The following IFI27 variants were observed in gnomAD, a reference collection of about 807,000 sequenced individuals.
IFI27 encodes interferon alpha inducible protein 27, also known as interferon alpha-inducible protein 27, mitochondrial.
In IFI27, 3 loss-of-function variants were observed where a neutral mutation model predicts 8.9. The ratio of observed to expected loss-of-function variants is 0.34; its 90% CI spans 0.15 to 0.87. The LOEUF (loss-of-function observed/expected upper bound fraction) is 0.87, where lower values mean the gene tolerates loss of function less well. Among genes scored for constraint, IFI27 ranks in the 40% least tolerant of loss-of-function variants. IFI27 has a pLI of 0.51. For missense variants in IFI27, 152 were observed against 157.7 expected (o/e 0.96, Z 0.19); for synonymous variants, 66 against 67.3 (o/e 0.98, Z 0.09).
upstream of IFI27, among the ~76,000 whole-genome samples, chr14:94,106,585 G>A (rs1237731777): frequency 6.6e-6 from 1 of 152,112 alleles, no homozygotes; most frequent in African/African-American, 2.4e-5. Flanking sequence ...ATCTTTTCGT[G>A]TGCTTTTTGG....
At position 94,116,298 on chromosome 14, in the gene IFI27, C is replaced by T. The variant is rs1256082521; in HGVS notation, c.284-144C>T. On this transcript the variant is annotated intron_variant, in intron 4 of 4. Coordinates refer to ENST00000621160, the Ensembl canonical transcript of IFI27. This position sits in a 1 kb window ranked among gnomAD's most constrained non-coding sequence, Gnocchi z 4.3. Reference sequence around the variant, plus strand: ...TCCCCAAACAAAGACCCCGAGGGTACTGGGAAACAGAGAGGGGAACTGGGT... The same window carrying T: ...TCCCCAAACAAAGACCCCGAGGGTATTGGGAAACAGAGAGGGGAACTGGGT... 11 of 670,084 alleles carry T rather than the reference C, an allele frequency of 1.6e-5. No individual in the cohort carries two copies. The highest frequency in any genetic ancestry group is 2.7e-5 in the Non-Finnish European group (10 of 374,500). 41.5% of individuals were successfully genotyped at this position (670,084 alleles called of 1,614,324 possible).
rs75568762 is a variant in IFI27 at position 94,116,650 on chromosome 14, A to G, written c.*123A>G. 0.011 allele frequency: 7,408 copies of G among 689,644 alleles called. 407 individuals carry two copies. The African/African-American group carries it at 0.12, about 11-fold the overall frequency. The allele number at this position is 689,644 out of a possible 1,614,324, so 42.7% of individuals were successfully genotyped here. On this transcript the variant is annotated 3_prime_UTR_variant, in exon 5 of 5. Coordinates refer to ENST00000621160, the Ensembl canonical transcript of IFI27. The surrounding 1 kb of genome is among the most constrained non-coding windows in gnomAD (Gnocchi z 4.3). ...TGGGGTGAAATATACCAAATTCTGC[A>G]TCTCCAGAGGAAAATAAGAAATAAA...
At chr14:94,114,958 T>A in intron 3 of IFI27, 78 bp downstream of exon 3, 1 of 1,344,548 alleles carries the variant, frequency 7.4e-7, no homozygotes, top group East Asian at 2.3e-5. Context: ...GCCTTGTCCA[T>A]GCCAATGTTT....
upstream of IFI27, among the ~76,000 whole-genome samples, chr14:94,107,152 C>T (rs1234677308): frequency 1.3e-5 from 2 of 152,116 alleles, no homozygotes; most frequent in Non-Finnish European, 2.9e-5. Context: ...TCACTTCAAC[C>T]TCTGCCTCCC....
chr14:94,115,605 T>C (rs535329761), intron 3 of IFI27, 176 bp from the exon 4 acceptor site: 98 of 660,538 alleles, frequency 1.5e-4, no homozygotes, highest in Non-Finnish European at 2.1e-4. Context: ...TTCCCTCTAC[T>C]TTCCCCGCCT....
At chr14:94,115,885 A>G (rs1253644684) in exon 4 of IFI27, 2 of 1,599,244 alleles carry the variant, frequency 1.3e-6, no homozygotes, top group Non-Finnish European at 1.7e-6. Flanking sequence ...CGCGGCGGCC[A>G]TTGCCAATGG....
chr14:94,107,506 T>G (rs1887031795), upstream of IFI27, among the ~76,000 whole-genome samples: 1 of 152,226 alleles, frequency 6.6e-6, no homozygotes, highest in African/African-American at 2.4e-5. Flanking sequence ...TCTAGGAGTT[T>G]CATAGTTTTG....
At position 94,116,289 on chromosome 14, in the gene IFI27, C is replaced by T. The variant is rs1887408070; in HGVS notation, c.284-153C>T. On this transcript the variant is annotated intron_variant, in intron 4 of 4. Transcript: ENST00000621160. The surrounding 1 kb of genome is among the most constrained non-coding windows in gnomAD (Gnocchi z 4.3). ...AGCAGCCTCTCCCCAAACAAAGACC[C>T]CGAGGGTACTGGGAAACAGAGAGGG... The T allele has an allele frequency of 6.1e-6, 4 of 659,458 alleles. No homozygotes were observed. In the Admixed American group the frequency reaches 6.9e-5, roughly 11 times the overall value. 40.9% of individuals were successfully genotyped at this position (659,458 alleles called of 1,614,324 possible).
Position 94,111,669 on chromosome 14 carries a change from T to C in IFI27, c.-14T>C. The C allele has an allele frequency of 6.2e-7, 1 of 1,612,124 alleles. No homozygotes were observed. Among genetic ancestry groups the C allele is most frequent in the Non-Finnish European group, 8.5e-7 (1 of 1,178,118 alleles). On this transcript the variant is annotated 5_prime_UTR_variant, in exon 2 of 5. Transcript: ENST00000621160. The surrounding 1 kb of genome is among the most constrained non-coding windows in gnomAD (Gnocchi z 4.3). Reference sequence around the variant, plus strand: ...TCTCTTACTCTCTAGGCCACGGAATTAACCCGAGCAGGCATGGAGGCCTCT... The same window carrying C: ...TCTCTTACTCTCTAGGCCACGGAATCAACCCGAGCAGGCATGGAGGCCTCT...
rs1887182945 is a variant in IFI27, at chr14:94,111,529, C to G, written c.-58-96C>G. 2 of 658,992 alleles carry G rather than the reference C, an allele frequency of 3.0e-6. No individual in the cohort carries two copies. The highest frequency in any genetic ancestry group is 5.5e-6 in the Non-Finnish European group (2 of 360,778). The allele number at this position is 658,992 out of a possible 1,614,324, so 40.8% of individuals were successfully genotyped here. ...CTGCTCCACAAGCTCAGAGCAGCCT[C>G]CCTAGCCCCCTGGAGCCCGTCACAT... is the stretch of plus-strand genomic sequence containing the variant. On this transcript the variant is annotated intron_variant, in intron 1 of 4. Coordinates refer to ENST00000621160, the Ensembl canonical transcript of IFI27. The surrounding 1 kb of genome is among the most constrained non-coding windows in gnomAD (Gnocchi z 4.3).
intron 2 of IFI27, among the ~76,000 whole-genome samples, chr14:94,112,401 C>A (rs1179929608): frequency 6.6e-6 from 1 of 152,118 alleles, no homozygotes; most frequent in African/African-American, 2.4e-5. Context: ...TGCTGTAGAT[C>A]CCATTCTATT....
At position 94,111,066 on chromosome 14, in the gene IFI27, T is replaced by G. The variant is rs1887163172; in HGVS notation, c.-59+269T>G. The G allele has an allele frequency of 6.5e-6, 1 of 154,396 alleles. No individual in the cohort carries two copies. The highest frequency in any genetic ancestry group is 2.4e-5 in the African/African-American group (1 of 41,470). 9.6% of individuals were successfully genotyped at this position (154,396 alleles called of 1,614,324 possible). On this transcript the variant is annotated intron_variant, in intron 1 of 4. Transcript: ENST00000621160. This position sits in a 1 kb window ranked among gnomAD's most constrained non-coding sequence, Gnocchi z 4.3. ...AAAGTGGGCAAGGGGAAGAGATAAG[T>G]GTTAGGAGGAACCAAGTCGAAGCCA... is the stretch of plus-strand genomic sequence containing the variant.
At chr14:94,114,987 G>C (rs115498073) in intron 3 of IFI27, 107 bp downstream of exon 3, 1 of 1,044,042 alleles carries the variant, frequency 9.6e-7, no homozygotes, top group East Asian at 2.4e-5. Flanking sequence ...TGGGTGGTCA[G>C]GGGAGGAGGT....
At position 94,111,739 on chromosome 14, in the gene IFI27, G is replaced by A; in HGVS notation, c.57G>A (p.Arg19=). The change falls in exon 2 of 5, where the codon AGG becomes AGA. Residue 19 remains arginine (R), a synonymous_variant. Transcript: ENST00000621160. The surrounding 1 kb of genome is among the most constrained non-coding windows in gnomAD (Gnocchi z 4.3). ...TGACCAGTGTGGCCAAAGTGGTCAG[G>A]GTGGCCTCTGGCTCTGCCGTAGTTT... 1 of 1,614,202 alleles carries A rather than the reference G, an allele frequency of 6.2e-7. No homozygotes were observed.
At chr14:94,114,767 C>A in intron 2 of IFI27, 84 bp from the exon 3 acceptor site, 1 of 1,477,556 alleles carries the variant, frequency 6.8e-7, no homozygotes, top group Non-Finnish European at 9.5e-7. Flanking sequence ...CAGCCCCCTG[C>A]CTCCCTTTAG....
In IFI27 at chr14:94,115,872, G is replaced by A. The variant is rs371545863; in HGVS notation, c.213G>A (p.Met71Ile). 1.9e-5 allele frequency: 30 copies of A among 1,600,682 alleles called. No homozygotes were observed. The African/African-American group carries it at 3.8e-4, about 20-fold the overall frequency. ...CGTCCTCCATAGCAGCCAAGATGAT[G>A]TCCGCGGCGGCCATTGCCAATGGGG... Residue 71 changes from methionine to isoleucine, a missense_variant, in exon 4 of 5, where the codon ATG becomes ATA. Coordinates refer to ENST00000621160, the Ensembl canonical transcript of IFI27.
At chr14:94,105,972 A>AC (rs751745586), upstream of IFI27, 1 of 152,234 alleles carries the variant, frequency 6.6e-6, no homozygotes, top group Non-Finnish European at 1.5e-5. Flanking sequence ...CACTGCTGTA[A>AC]CAAAATACCA....
In IFI27 at chr14:94,111,219, G is replaced by A. The variant is rs1283501327; in HGVS notation, c.-58-406G>A. 2.0e-5 allele frequency among the ~76,000 whole-genome samples: 3 copies of A among 152,180 alleles called. No homozygotes were observed. The highest frequency in any genetic ancestry group is 4.8e-5 in the African/African-American group (2 of 41,440). The stretch of plus-strand genomic sequence containing the variant: ...AGGAGGAGGGTCCCATCTTTTTCAC[G>A]TTAGTGAGGAGATTACATAAGAGCA... On this transcript the variant is annotated intron_variant, in intron 1 of 4. Transcript: ENST00000621160. The surrounding 1 kb of genome is among the most constrained non-coding windows in gnomAD (Gnocchi z 4.3).
At chr14:94,113,230 G>C (rs1288923711) in intron 2 of IFI27, 1 of 152,068 alleles carries the variant, frequency 6.6e-6, no homozygotes, top group Non-Finnish European at 1.5e-5. Flanking sequence ...GGCCAGGCAC[G>C]GTGGCTCACA....
Sources: gnomAD v4.1 joint callset for allele counts (sites outside exome capture counted in the v4.1 genomes callset) on GRCh38, gnomAD v4.1.1 for gene constraint, Gnocchi (gnomAD v3.1) non-coding constraint, MANE v1.5 for transcripts, NCBI Gene and HGNC (gene_info 2026-07-23, HGNC 2026-07-21) for gene names.